The following FRMPD4 variants were observed in gnomAD, a reference collection of about 807,000 sequenced individuals.
FRMPD4 encodes the protein FERM and PDZ domain containing 4.
In FRMPD4, 22 loss-of-function variants were observed where a neutral mutation model predicts 94.1. The ratio of observed to expected loss-of-function variants is 0.23; its 90% CI spans 0.17 to 0.33. The LOEUF is 0.33. Among genes scored for constraint, FRMPD4 ranks in the 10% least tolerant of loss-of-function variants. FRMPD4 has a pLI of 1.00. For synonymous variants in FRMPD4, 631 were observed against 548.6 expected (o/e 1.15, Z -2.10); for missense variants, 1,111 against 1,339.9 (o/e 0.83, Z 2.67).
intron 1 of FRMPD4, among the ~76,000 whole-genome samples, chrX:12,443,942 G>A (rs757719702): frequency 9.0e-6 from 1 of 111,652 alleles, no homozygotes; most frequent in East Asian, 2.8e-4. Context: ...TCTACTTTCT[G>A]AATCAGCCTA....
At chrX:12,118,863 C>G (rs1031311282) in intron 3 of FRMPD4, among the ~76,000 whole-genome samples, 1 of 111,775 alleles carries the variant, frequency 8.9e-6, no homozygotes. Context: ...TTCTCTTCGT[C>G]TCTTTGTCTG....
At chrX:12,058,853 G>C (rs184839741) in intron 3 of FRMPD4, among the ~76,000 whole-genome samples, 40 of 110,473 alleles carry the variant, frequency 3.6e-4, no homozygotes, top group African/African-American at 1.3e-3. Context: ...GGCAGCTAAT[G>C]AGTAGAGGCC....
At position 12,219,332 on chromosome X, in the gene FRMPD4, G is replaced by A. The variant is rs375129861; in HGVS notation, c.41+80320G>A. On this transcript the variant is annotated intron_variant, in intron 1 of 16. Transcript: ENST00000675598. Reference sequence around the variant, plus strand: ...TACAGTGAGCCATGTTCACACCGTCGCACCCCTGGGTGACAAACTAAGACC... The same window carrying A: ...TACAGTGAGCCATGTTCACACCGTCACACCCCTGGGTGACAAACTAAGACC... Among the ~76,000 whole-genome samples the A allele has an allele frequency of 4.1e-4, 45 of 111,099 alleles. No homozygotes were observed. The East Asian group carries it at 7.3e-3, about 18-fold the overall frequency.
At chrX:12,187,788 G>C (rs1434666382) in intron 1 of FRMPD4, among the ~76,000 whole-genome samples, 1 of 111,269 alleles carries the variant, frequency 9.0e-6, no homozygotes, top group East Asian at 2.8e-4. Context: ...TGTTTGTATA[G>C]ATACACATAC....
chrX:11,889,880 A>G (rs916906448), intron 3 of FRMPD4, among the ~76,000 whole-genome samples: 3 of 112,290 alleles, frequency 2.7e-5, no homozygotes, highest in African/African-American at 9.7e-5. Context: ...GCTTCTTTAC[A>G]TGGAAGCTGA....
At position 12,095,899 on chromosome X, in the gene FRMPD4, C is replaced by T. The variant is rs369454689; in HGVS notation, c.95+217881C>T. On this transcript the variant is annotated intron_variant, in intron 3 of 18. Transcript: ENST00000640291. ...GTTGTGCCTTAGTGTTTCCAGACCC[C>T]TCTCCATCCTGCTTCCTGTGAAAGC... Among the ~76,000 whole-genome samples the T allele has an allele frequency of 4.5e-5, 5 of 112,355 alleles. No homozygotes were observed. The East Asian group carries it at 1.1e-3, about 25-fold the overall frequency.
At chrX:11,911,424 G>A (rs941634300) in intron 3 of FRMPD4, among the ~76,000 whole-genome samples, 1 of 112,406 alleles carries the variant, frequency 8.9e-6, no homozygotes, top group African/African-American at 3.2e-5. Flanking sequence ...TTCCTACAGT[G>A]GACAAAGTTA....
At chrX:12,411,440 A>G (rs1184452651) in intron 1 of FRMPD4, among the ~76,000 whole-genome samples, 1 of 112,011 alleles carries the variant, frequency 8.9e-6, no homozygotes, top group Non-Finnish European at 1.9e-5. Context: ...TCATGATGTA[A>G]TCTTTTGGAA....
chrX:12,085,662 A>G (rs1015318581), intron 3 of FRMPD4, among the ~76,000 whole-genome samples: 1 of 112,136 alleles, frequency 8.9e-6, no homozygotes, highest in Non-Finnish European at 1.9e-5. Flanking sequence ...ATTTGAGCCC[A>G]GGAGCTCAAG....
intron 1 of FRMPD4, among the ~76,000 whole-genome samples, chrX:12,403,366 CTT>C (rs113869492): frequency 1.9e-5 from 2 of 106,805 alleles, no homozygotes; most frequent in African/African-American, 7.6e-5. Context: ...TCCTAGAACA[CTT>C]TTTTCCCCTC....
At chrX:12,047,353 C>T (rs1246328822) in intron 3 of FRMPD4, among the ~76,000 whole-genome samples, 5 of 110,438 alleles carry the variant, frequency 4.5e-5, no homozygotes, top group Non-Finnish European at 9.5e-5. Context: ...AATGATAAAA[C>T]AATACTGTAT....
In FRMPD4 at chrX:12,717,707, G is replaced by T; in HGVS notation, c.2881G>T (p.Gly961Trp). 8.3e-7 allele frequency: 1 copy of T among 1,211,083 alleles called. No homozygotes were observed. Among genetic ancestry groups the T allele is most frequent in the East Asian group, 3.0e-5 (1 of 33,841 alleles). Residue 961 changes from glycine (G) to tryptophan (W), a missense_variant, in exon 16 of 17, where the codon GGG becomes TGG. Physicochemically the swap from Gly to Trp is radical, Grantham distance 184. Around this residue, in one of 8 missense-constraint regions of FRMPD4, gnomAD observed 551 missense variants for 591.6 expected, o/e 0.93. Transcript: ENST00000675598. ...GTTCCCGGCCTCCAAGACCCCCGCT[G>T]GGGGCTTGCCTCCAAAGTCCTCGCA... The part of the protein sequence containing the change: ...TEFPASKTPA[G>W]GLPPKSSHAL...
chrX:12,395,492 T>C (rs1279611082), intron 1 of FRMPD4, among the ~76,000 whole-genome samples: 2 of 112,122 alleles, frequency 1.8e-5, no homozygotes, highest in Non-Finnish European at 3.8e-5. Flanking sequence ...ATATGGATGT[T>C]ATTAATAGGA....
chrX:12,594,577 A>T (rs1368341115), intron 2 of FRMPD4, among the ~76,000 whole-genome samples: 1 of 110,340 alleles, frequency 9.1e-6, no homozygotes, highest in Admixed American at 9.6e-5. Flanking sequence ...CTGGGACTAC[A>T]GGTGCCCGCC....
chrX:12,345,344 G>T (rs1387104075), intron 1 of FRMPD4, among the ~76,000 whole-genome samples: 1 of 111,662 alleles, frequency 9.0e-6, no homozygotes, highest in Non-Finnish European at 1.9e-5. Context: ...CCTGGTTATG[G>T]ATGTGTGTGA....
intron 10 of FRMPD4, among the ~76,000 whole-genome samples, 161 bp from the exon 11 acceptor site, chrX:12,704,198 G>A (rs2041837203): frequency 1.8e-5 from 2 of 112,648 alleles, no homozygotes; most frequent in East Asian, 2.8e-4. Context: ...CAAGTAGTGT[G>A]TGTCCTGAGT....
chrX:12,121,991 G>A (rs896802160), intron 3 of FRMPD4, among the ~76,000 whole-genome samples: 9 of 111,828 alleles, frequency 8.0e-5, no homozygotes, highest in African/African-American at 2.9e-4. Flanking sequence ...ATTGGTGGGG[G>A]CAATTTTCGT....
chrX:12,066,729 G>T (rs978923500), intron 3 of FRMPD4, among the ~76,000 whole-genome samples: 4 of 107,083 alleles, frequency 3.7e-5, no homozygotes, highest in Non-Finnish European at 7.7e-5. Context: ...AATCTGGATG[G>T]TTTTTTTTTA....
chrX:12,247,347 T>C (rs909805471), intron 1 of FRMPD4, among the ~76,000 whole-genome samples: 72 of 111,343 alleles, frequency 6.5e-4, no homozygotes, highest in South Asian at 1.5e-3. Flanking sequence ...CTCCACGTTA[T>C]TGTCTAGAGT....
Sources: gnomAD v4.1 joint callset for allele counts (sites outside exome capture counted in the v4.1 genomes callset) on GRCh38, gnomAD v4.1.1 for gene constraint, gnomAD v4.1.1 regional missense constraint, MANE v1.5 for transcripts, NCBI Gene and HGNC (gene_info 2026-07-23, HGNC 2026-07-21) for gene names.